LTBP1: variants seen among roughly 807,000 people sequenced by gnomAD.
LTBP1 encodes the protein latent transforming growth factor beta binding protein 1, also known as latent-transforming growth factor beta-binding protein 1.
Under a neutral mutation model 207.6 loss-of-function variants are expected in LTBP1, and 129 were observed. That is an observed-to-expected ratio of 0.62 (90% CI 0.54 to 0.72). The LOEUF (loss-of-function observed/expected upper bound fraction) is 0.72. LTBP1 is among the 30% of genes least tolerant of loss of function. LTBP1 has a pLI of 0.00. For synonymous variants in LTBP1, 963 were observed against 833.7 expected, an observed-to-expected ratio of 1.16 and a Z score of -2.67; for missense variants, 2,281 against 2,217.2, an observed-to-expected ratio of 1.03 and a Z score of -0.58.
intron 24 of LTBP1, among the ~76,000 whole-genome samples, chr2:33,336,517 CAA>C (rs1411810839): frequency 6.6e-6 from 1 of 152,060 alleles, no homozygotes; most frequent in African/African-American, 2.4e-5. Flanking sequence ...TCCGTTAAGT[CAA>C]AATGGACCAT....
chr2:33,252,910 G>C (rs2092723847), intron 11 of LTBP1, 66 bp downstream of exon 11: 2 of 1,353,542 alleles, frequency 1.5e-6, no homozygotes, highest in African/African-American at 2.9e-5. Context: ...GACAACTTTG[G>C]CACCTTGGGT....
intron 3 of LTBP1, among the ~76,000 whole-genome samples, chr2:33,104,707 T>G (rs2079954457): frequency 6.6e-6 from 1 of 152,188 alleles, no homozygotes. Context: ...CCTGAAACAT[T>G]TTTGCATTTG....
At chr2:33,104,642 T>A (rs940178713) in intron 3 of LTBP1, among the ~76,000 whole-genome samples, 1 of 152,212 alleles carries the variant, frequency 6.6e-6, no homozygotes, top group African/African-American at 2.4e-5. Context: ...TCTCTTTATG[T>A]CCCTACCATT....
rs546838763 is a variant in LTBP1, at chr2:33,270,175, C to G, written c.2618-3481C>G. 4.6e-5 allele frequency among the ~76,000 whole-genome samples: 7 copies of G among 151,998 alleles called. No homozygotes were observed. The South Asian group carries it at 1.0e-3, about 23-fold the overall frequency. On this transcript the variant is annotated intron_variant, in intron 15 of 33. Transcript: ENST00000404816. The stretch of plus-strand genomic sequence containing the variant: ...CCTCAAGTGATCCTCCCTTCTCGGC[C>G]TCCCAAAGTGCTGGGATTACAGACG...
At chr2:33,208,418 C>G (rs1251959171) in intron 7 of LTBP1, among the ~76,000 whole-genome samples, 3 of 152,186 alleles carry the variant, frequency 2.0e-5, no homozygotes, top group Non-Finnish European at 4.4e-5. Context: ...AGAGCTGTAA[C>G]TCTTCTCAGG....
chr2:33,123,870 A>G (rs921621204), intron 4 of LTBP1, among the ~76,000 whole-genome samples: 7 of 152,230 alleles, frequency 4.6e-5, no homozygotes, highest in Non-Finnish European at 2.9e-5. Flanking sequence ...CTTAAAATGC[A>G]TTCCTTAAGT....
At chr2:33,256,643 A>G (rs959449052) in intron 11 of LTBP1, among the ~76,000 whole-genome samples, 1 of 149,554 alleles carries the variant, frequency 6.7e-6, no homozygotes, top group Non-Finnish European at 1.5e-5. Flanking sequence ...TTCTATATAT[A>G]AAATATCTCC....
chr2:33,191,196 C>A (rs2087833177), intron 7 of LTBP1, among the ~76,000 whole-genome samples: 1 of 152,136 alleles, frequency 6.6e-6, no homozygotes, highest in Admixed American at 6.5e-5. Context: ...GCATAACAAA[C>A]TTGTTATTCT....
At chr2:33,154,782 G>A (rs1287211144) in intron 5 of LTBP1, among the ~76,000 whole-genome samples, 1 of 152,178 alleles carries the variant, frequency 6.6e-6, no homozygotes, top group Non-Finnish European at 1.5e-5. Context: ...GTTGAACTAG[G>A]CCGGGCGCGG....
intron 2 of LTBP1, among the ~76,000 whole-genome samples, chr2:33,018,390 G>A (rs1009502045): frequency 2.0e-5 from 3 of 152,056 alleles, no homozygotes; most frequent in African/African-American, 7.2e-5. Flanking sequence ...TGGGCGGGAG[G>A]AGAAGCGGAA....
At chr2:33,088,384 G>A (rs1325819166) in intron 3 of LTBP1, among the ~76,000 whole-genome samples, 11 of 152,144 alleles carry the variant, frequency 7.2e-5, no homozygotes, top group South Asian at 4.2e-4. Flanking sequence ...CCCGGGAGGC[G>A]GAGGTTGCGG....
chr2:33,143,067 C>G (rs1051867617), intron 5 of LTBP1, among the ~76,000 whole-genome samples: 2 of 152,182 alleles, frequency 1.3e-5, no homozygotes, highest in African/African-American at 4.8e-5. Flanking sequence ...CCAAACTGAG[C>G]CTCCAGGGAT....
At chr2:32,991,850 C>T (rs113557042) in intron 2 of LTBP1, among the ~76,000 whole-genome samples, 143 of 152,298 alleles carry the variant, frequency 9.4e-4, no homozygotes, top group Non-Finnish European at 1.6e-3. Context: ...CTCACTCCCT[C>T]ATGACCAATC....
intron 3 of LTBP1, among the ~76,000 whole-genome samples, chr2:33,099,077 A>G (rs1443505897): frequency 6.6e-6 from 1 of 152,168 alleles, no homozygotes; most frequent in Non-Finnish European, 1.5e-5. Context: ...TTCTCCAGAT[A>G]TATTGGCTTT....
In LTBP1 at chr2:33,262,780, C is replaced by T. The variant is rs1488685111; in HGVS notation, c.2477C>T (p.Ser826Phe). 3 of 1,607,128 alleles carry T rather than the reference C, an allele frequency of 1.9e-6. No homozygotes were observed. Among genetic ancestry groups the T allele is most frequent in the Non-Finnish European group, 2.6e-6 (3 of 1,175,812 alleles). The change falls in exon 14 of 34, where the codon TCT (serine) becomes TTT (phenylalanine). Residue 826 changes from serine (S) to phenylalanine (F), a missense_variant. Physicochemically the swap from Ser to Phe is radical, Grantham distance 155. This residue lies in a region of LTBP1 where 1,671 missense variants were observed against 1,634.8 expected (regional missense o/e 1.02). Transcript: ENST00000404816. ...CTTGAGCCTGGTCAACCCCAGCTGT[C>T]TCCAGGCATTTCCACTATTCATCTG... Reference protein sequence around the residue: ...TKLEPGQPQLSPGISTIHLHP... With the variant: ...TKLEPGQPQLFPGISTIHLHP...
chr2:33,129,648 A>G (rs1277202767), intron 4 of LTBP1, among the ~76,000 whole-genome samples: 1 of 152,188 alleles, frequency 6.6e-6, no homozygotes, highest in African/African-American at 2.4e-5. Flanking sequence ...AAATGGTTTT[A>G]CTTTTAAAAA....
intron 2 of LTBP1, among the ~76,000 whole-genome samples, chr2:32,998,940 T>C (rs2148950295): frequency 6.6e-6 from 1 of 152,370 alleles, no homozygotes; most frequent in East Asian, 1.9e-4. Context: ...GCTAAGAACA[T>C]GGTCTGGACC....
intron 32 of LTBP1, among the ~76,000 whole-genome samples, chr2:33,390,884 C>G (rs933281691): frequency 6.6e-6 from 1 of 152,136 alleles, no homozygotes; most frequent in African/African-American, 2.4e-5. Context: ...GTCCTGGGCC[C>G]TGTCACCTGT....
intron 8 of LTBP1, among the ~76,000 whole-genome samples, chr2:33,220,696 G>A (rs1354986607): frequency 6.6e-6 from 1 of 152,202 alleles, no homozygotes; most frequent in Non-Finnish European, 1.5e-5. Flanking sequence ...GGAATTTGCA[G>A]CCAGAGATCC....
Sources: gnomAD v4.1 joint callset for allele counts (sites outside exome capture counted in the v4.1 genomes callset) on GRCh38, gnomAD v4.1.1 for gene constraint, gnomAD v4.1.1 regional missense constraint, MANE v1.5 for transcripts, NCBI Gene and HGNC (gene_info 2026-07-23, HGNC 2026-07-21) for gene names.